The following RNF169 variants were observed in gnomAD, a reference collection of about 807,000 sequenced individuals.
The protein encoded by RNF169 is ring finger protein 169, also known as E3 ubiquitin-protein ligase RNF169.
In RNF169, 24 loss-of-function variants were observed where a neutral mutation model predicts 53.9. The observed-to-expected ratio is 0.45, with a 90% CI of 0.32 to 0.63. RNF169 has a LOEUF of 0.63. Among genes scored for constraint, RNF169 ranks in the 20% least tolerant of loss-of-function variants. The pLI, the probability that RNF169 is intolerant of heterozygous loss-of-function variation, is 0.04. For synonymous variants in RNF169, 396 were observed against 363.5 expected, an observed-to-expected ratio of 1.09 and a Z score of -1.02; for missense variants, 883 against 906.2, an observed-to-expected ratio of 0.97 and a Z score of 0.33.
At chr11:74,771,643 G>A (rs2035261885) in intron 1 of RNF169, among the ~76,000 whole-genome samples, 1 of 152,108 alleles carries the variant, frequency 6.6e-6, no homozygotes, top group Non-Finnish European at 1.5e-5. Flanking sequence ...GTTTGGGGCT[G>A]CAGAGAGCTA....
intron 1 of RNF169, among the ~76,000 whole-genome samples, chr11:74,762,694 A>G (rs893136112): frequency 3.9e-5 from 6 of 152,244 alleles, no homozygotes; most frequent in Non-Finnish European, 8.8e-5. Flanking sequence ...GTTTCCAAAA[A>G]CAAAAATGGA....
At chr11:74,834,398 AAGCATGTTCAAAAT>A (rs1332477669) in intron 4 of RNF169, among the ~76,000 whole-genome samples, 1 of 152,202 alleles carries the variant, frequency 6.6e-6, no homozygotes, top group Non-Finnish European at 1.5e-5. Context: ...ACATCTCTCT[AAGCATGTTCAAAAT>A]AGCCACTGGT....
chr11:74,753,157 G>A (rs145886909), intron 1 of RNF169, among the ~76,000 whole-genome samples: 4,908 of 152,088 alleles, frequency 0.032, 247 homozygotes, highest in African/African-American at 0.11. Flanking sequence ...TAGTAGAGAC[G>A]GGGTTTCTCC....
chr11:74,817,787 A>C, intron 4 of RNF169, 73 bp downstream of exon 4: 1 of 943,276 alleles, frequency 1.1e-6, no homozygotes, highest in East Asian at 2.4e-5. Flanking sequence ...CTGGGGGAGC[A>C]AAGGTATTTG....
intron 1 of RNF169, among the ~76,000 whole-genome samples, chr11:74,766,326 T>C (rs1186779325): frequency 6.6e-6 from 1 of 152,198 alleles, no homozygotes; most frequent in Non-Finnish European, 1.5e-5. Context: ...GCCTACTTTC[T>C]TCCACAAATA....
chr11:74,787,426 A>T (rs969375783), intron 1 of RNF169, among the ~76,000 whole-genome samples: 2 of 152,240 alleles, frequency 1.3e-5, no homozygotes, highest in Non-Finnish European at 2.9e-5. Context: ...CACTCATAAA[A>T]TATAAGCATA....
intron 4 of RNF169, among the ~76,000 whole-genome samples, chr11:74,823,667 A>G (rs893162483): frequency 4.0e-5 from 6 of 150,220 alleles, no homozygotes; most frequent in African/African-American, 1.5e-4. Flanking sequence ...AGCCCAGGAG[A>G]TAGAGGCTTC....
intron 1 of RNF169, among the ~76,000 whole-genome samples, chr11:74,771,983 A>G (rs1246692369): frequency 6.6e-6 from 1 of 152,204 alleles, no homozygotes; most frequent in Non-Finnish European, 1.5e-5. Flanking sequence ...ATACTAAAAA[A>G]TCCAAAGACA....
chr11:74,759,778 G>T (rs1228547918), intron 1 of RNF169, among the ~76,000 whole-genome samples: 2 of 149,590 alleles, frequency 1.3e-5, no homozygotes, highest in African/African-American at 2.5e-5. Context: ...TCTCTTTTTT[G>T]GTTGTGTCTC....
intron 1 of RNF169, among the ~76,000 whole-genome samples, chr11:74,752,380 TG>T (rs1246557582): frequency 6.6e-6 from 1 of 151,836 alleles, no homozygotes; most frequent in African/African-American, 2.4e-5. Context: ...GCGGATCACT[TG>T]AGGTCAGGAG....
At chr11:74,774,486 G>C (rs1444479576) in intron 1 of RNF169, among the ~76,000 whole-genome samples, 1 of 151,988 alleles carries the variant, frequency 6.6e-6, no homozygotes, top group African/African-American at 2.4e-5. Flanking sequence ...GCTAAGTAAA[G>C]ATTCTGTTTG....
chr11:74,808,356 A>T (rs959458035), intron 2 of RNF169, among the ~76,000 whole-genome samples: 1 of 152,216 alleles, frequency 6.6e-6, no homozygotes, highest in Non-Finnish European at 1.5e-5. Flanking sequence ...TCTTAAAAAT[A>T]GCAATATTTA....
chr11:74,750,640 C>T (rs1459966499), intron 1 of RNF169, among the ~76,000 whole-genome samples: 1 of 138,614 alleles, frequency 7.2e-6, no homozygotes, highest in African/African-American at 2.9e-5. Context: ...CACTGTCGCC[C>T]GGGCTGGAGT....
chr11:74,792,190 T>C (rs1467396320), intron 2 of RNF169, among the ~76,000 whole-genome samples: 1 of 152,222 alleles, frequency 6.6e-6, no homozygotes, highest in African/African-American at 2.4e-5. Flanking sequence ...AGTTTTTTTT[T>C]CTGTTGAAAA....
At chr11:74,753,229 A>G (rs969140320) in intron 1 of RNF169, among the ~76,000 whole-genome samples, 7 of 152,188 alleles carry the variant, frequency 4.6e-5, no homozygotes, top group Admixed American at 6.5e-5. Context: ...CGGCCTCCCA[A>G]AGTGCTGGGA....
At chr11:74,761,140 C>CT (rs1360527706) in intron 1 of RNF169, among the ~76,000 whole-genome samples, 2 of 129,950 alleles carry the variant, frequency 1.5e-5, no homozygotes, top group Non-Finnish European at 3.2e-5. Context: ...CAACCCCTGC[C>CT]TTTTTTTGTT....
intron 2 of RNF169, among the ~76,000 whole-genome samples, chr11:74,800,569 C>T (rs2135102134): frequency 6.6e-6 from 1 of 152,128 alleles, no homozygotes; most frequent in East Asian, 1.9e-4. Flanking sequence ...TAAAATAGTG[C>T]CTGGTCCATA....
chr11:74,828,324 CAG>C (rs1475262457), intron 4 of RNF169, among the ~76,000 whole-genome samples: 1 of 152,092 alleles, frequency 6.6e-6, no homozygotes, highest in East Asian at 1.9e-4. Flanking sequence ...TCAAAGAAAT[CAG>C]AGATGACCCA....
At position 74,836,412 on chromosome 11, in the gene RNF169, T is replaced by G; in HGVS notation, c.1809T>G (p.Asn603Lys). 6.2e-7 allele frequency: 1 copy of G among 1,614,216 alleles called. No individual in the cohort carries two copies. Among genetic ancestry groups the G allele is most frequent in the Non-Finnish European group, 8.5e-7 (1 of 1,180,034 alleles). Residue 603 changes from asparagine to lysine, a missense_variant, in exon 6 of 6, where the codon AAT becomes AAG. Asn to Lys is a moderately conservative substitution (Grantham distance 94). Transcript: ENST00000299563. The part of the protein sequence containing the change: ...LKTLNHFDLT[N>K]GVLVESLSEE... ...CATTAAATCATTTTGATCTGACTAA[T>G]GGTGTTCTAGTTGAGAGCCTAAGTG...
Sources: gnomAD v4.1 joint callset for allele counts (sites outside exome capture counted in the v4.1 genomes callset) on GRCh38, gnomAD v4.1.1 for gene constraint, MANE v1.5 for transcripts, NCBI Gene and HGNC (gene_info 2026-07-23, HGNC 2026-07-21) for gene names.